The following ENPP1 variants were observed in gnomAD, a reference collection of about 807,000 sequenced individuals.
ENPP1 encodes ectonucleotide pyrophosphatase/phosphodiesterase family member 1.
Under a neutral mutation model 122.8 loss-of-function variants are expected in ENPP1, and 73 were observed. The ratio of observed to expected loss-of-function variants is 0.59; its 90% confidence interval spans 0.49 to 0.72. The LOEUF is 0.72. Among genes scored for constraint, ENPP1 ranks in the 30% least tolerant of loss-of-function variants. The pLI is 0.00. For missense variants in ENPP1, 978 were observed against 1,128.1 expected (o/e 0.87, Z 1.91); for synonymous variants, 367 against 391.6 (o/e 0.94, Z 0.74).
chr6:131,857,031 T>G (rs1265222454), intron 6 of ENPP1, among the ~76,000 whole-genome samples: 15 of 152,112 alleles, frequency 9.9e-5, no homozygotes, highest in African/African-American at 2.2e-4. Flanking sequence ...GTGAAGAAAG[T>G]CATTGGTAGC....
At position 131,894,950 on chromosome 6, in the gene ENPP1, G is replaced by A. The variant is rs1782526940; in HGVS notation, c.*4439G>A. ...GGGCATTTGAACTTTGAAACTGAAT[G>A]TGGTGATTACACTTCATGCTGAAGC... is the stretch of plus-strand genomic sequence containing the variant. On this transcript the variant is annotated 3_prime_UTR_variant, in exon 25 of 25. Transcript: ENST00000647893. The A allele has an allele frequency of 6.6e-6, 1 of 152,220 alleles. No homozygotes were observed. Among genetic ancestry groups the A allele is most frequent in the African/African-American group, 2.4e-5 (1 of 41,456 alleles). 9.4% of individuals were successfully genotyped at this position (152,220 alleles called of 1,614,324 possible).
At chr6:131,869,518 T>A (rs1343088489) in intron 13 of ENPP1, 29 bp downstream of exon 13, 17 of 1,607,986 alleles carry the variant, frequency 1.1e-5, no homozygotes, top group Non-Finnish European at 1.4e-5. Context: ...TAACTTTGAA[T>A]ATGGTCATAT....
rs369585711 is a variant in ENPP1 at position 131,876,987 on chromosome 6, T to C, written c.1724-5T>C. The stretch of plus-strand genomic sequence containing the variant: ...AAGTAACTCTACCATCTTGAAATTA[T>C]GCAGATTTACTGAATTTGACACCGG... On this transcript the variant is annotated splice_region_variant and splice_polypyrimidine_tract_variant and intron_variant, in intron 17 of 24. Transcript: ENST00000647893. The C allele has an allele frequency of 9.9e-6, 16 of 1,613,178 alleles. 1 individual carries two copies. In the African/African-American group the frequency reaches 1.3e-4, roughly 13 times the overall value.
intron 18 of ENPP1, 30 bp downstream of exon 18, chr6:131,877,191 A>G (rs1223423108): frequency 3.1e-6 from 5 of 1,606,932 alleles, no homozygotes; most frequent in Non-Finnish European, 4.3e-6. Flanking sequence ...TTGGTCCAGT[A>G]TGTATGGTTT....
At chr6:131,812,824 G>C (rs534223353) in intron 1 of ENPP1, among the ~76,000 whole-genome samples, 2 of 152,052 alleles carry the variant, frequency 1.3e-5, no homozygotes, top group Admixed American at 1.3e-4. Flanking sequence ...AGGGCTTACA[G>C]GTTATTTATT....
intron 1 of ENPP1, among the ~76,000 whole-genome samples, chr6:131,818,205 C>T (rs373267571): frequency 6.6e-5 from 10 of 151,778 alleles, no homozygotes; most frequent in Non-Finnish European, 1.3e-4. Flanking sequence ...ACTTTTACAC[C>T]GTGGTATTAA....
chr6:131,871,728 G>A (rs1316165659), intron 13 of ENPP1, among the ~76,000 whole-genome samples: 1 of 152,186 alleles, frequency 6.6e-6, no homozygotes, highest in African/African-American at 2.4e-5. Flanking sequence ...ATGGATGATG[G>A]ATATTGGTTA....
At chr6:131,826,997 T>C (rs1219842572) in intron 1 of ENPP1, 4 of 484,370 alleles carry the variant, frequency 8.3e-6, no homozygotes, top group East Asian at 4.5e-5. Flanking sequence ...GATGGTCTAC[T>C]ACCAGAGATG....
chr6:131,810,203 C>T (rs139148329), intron 1 of ENPP1, among the ~76,000 whole-genome samples: 1,543 of 152,116 alleles, frequency 0.01, 34 homozygotes, highest in African/African-American at 0.036. Flanking sequence ...ACAAAAGATA[C>T]AAAAATTAGC....
At chr6:131,846,848 C>T (rs987091413) in intron 1 of ENPP1, among the ~76,000 whole-genome samples, 6 of 152,164 alleles carry the variant, frequency 3.9e-5, no homozygotes, top group African/African-American at 1.2e-4. Flanking sequence ...GCTCCTTTGT[C>T]TTCTAACTCA....
At chr6:131,837,359 C>G (rs1387326988) in intron 1 of ENPP1, among the ~76,000 whole-genome samples, 2 of 152,012 alleles carry the variant, frequency 1.3e-5, no homozygotes, top group Non-Finnish European at 1.5e-5. Flanking sequence ...AACCCCGTCT[C>G]TACTAAAAAT....
At chr6:131,839,344 A>G (rs1057368123) in intron 1 of ENPP1, among the ~76,000 whole-genome samples, 7 of 150,856 alleles carry the variant, frequency 4.6e-5, no homozygotes, top group African/African-American at 1.7e-4. Flanking sequence ...CTTTTGTCTT[A>G]GGCTTACCTC....
chr6:131,877,836 C>G (rs2208062), intron 18 of ENPP1: 2 of 21,512 alleles, frequency 9.3e-5, no homozygotes, highest in Admixed American at 8.8e-4. Context: ...AAGACCCTTT[C>G]TCAAAAAAAA....
chr6:131,890,646 C>T lies in ENPP1; in HGVS notation c.*135C>T, dbSNP rs773276732. On this transcript the variant is annotated 3_prime_UTR_variant, in exon 25 of 25. Transcript: ENST00000647893. ...ACGGAGCCCTCGGTGATGCGGACAT[C>T]TCAGGGAAACTTGCGTACTCAGCAC... The T allele has an allele frequency of 1.3e-6, 1 of 757,516 alleles. No homozygotes were observed. The highest frequency in any genetic ancestry group is 2.3e-6 in the Non-Finnish European group (1 of 437,892). The allele number at this position is 757,516 out of a possible 1,614,324, so 46.9% of individuals were successfully genotyped here.
intron 1 of ENPP1, among the ~76,000 whole-genome samples, chr6:131,841,347 T>G (rs1781737325): frequency 6.6e-6 from 1 of 152,188 alleles, no homozygotes; most frequent in South Asian, 2.1e-4. Context: ...TCAGAAAGCA[T>G]GCAACTTTGG....
chr6:131,808,199 T>C lies in ENPP1; in HGVS notation c.164T>C (p.Val55Ala). 3.3e-6 allele frequency: 5 copies of C among 1,507,264 alleles called. No individual in the cohort carries two copies. The highest frequency in any genetic ancestry group is 4.4e-6 in the Non-Finnish European group (5 of 1,127,918). 93.4% of individuals were successfully genotyped at this position (1,507,264 alleles called of 1,614,324 possible). A position where few individuals can be genotyped will look rare whatever the true frequency, so the allele number is the denominator to read the frequency against. Residue 55 changes from valine to alanine, a missense_variant, in exon 1 of 25, where the codon GTG becomes GCG. By Grantham distance (64) the Val-to-Ala change is moderately conservative. This residue lies in a region of ENPP1 where 330 missense variants were observed against 328.5 expected (regional missense o/e 1.00). Coordinates refer to ENST00000647893, the MANE Select transcript of ENPP1 (RefSeq NM_006208.3). ...GCGTCCTTGCTGGCCCCTATGGACG[T>C]GGGGGAGGAGCCGCTGGAGAAGGCG... ...AAASLLAPMD[V>A]GEEPLEKAAR...
At chr6:131,844,169 G>A (rs1162163300) in intron 1 of ENPP1, among the ~76,000 whole-genome samples, 1 of 152,152 alleles carries the variant, frequency 6.6e-6, no homozygotes, top group Non-Finnish European at 1.5e-5. Context: ...AAACACCTTG[G>A]ACAACTATTT....
chr6:131,868,983 A>C (rs138671369), intron 12 of ENPP1, among the ~76,000 whole-genome samples: 50 of 152,350 alleles, frequency 3.3e-4, no homozygotes, highest in African/African-American at 1.1e-3. Flanking sequence ...CATGCAAAGA[A>C]GTACCAGTCT....
rs956105398 is a variant in ENPP1, at chr6:131,885,762, A to G, written c.2444+699A>G. ...TAGATATATGTGACTTACAAAATAC[A>G]TCAGAAAGCACATCAATTTGCAAAG... On this transcript the variant is annotated intron_variant, in intron 23 of 24. Transcript: ENST00000647893. 6.6e-5 allele frequency among the ~76,000 whole-genome samples: 10 copies of G among 152,202 alleles called. 1 individual carries two copies. Among genetic ancestry groups the G allele is most frequent in the Admixed American group, 6.5e-4 (10 of 15,284 alleles).
Sources: allele counts gnomAD v4.1 joint callset (sites outside exome capture counted in the v4.1 genomes callset), GRCh38; gene constraint gnomAD v4.1.1; regional missense constraint gnomAD v4.1.1; transcripts MANE v1.5; gene names NCBI Gene and HGNC (gene_info 2026-07-23, HGNC 2026-07-21).